Variants in CDH18 observed in about 807,000 individuals in gnomAD.
The protein encoded by CDH18 is cadherin 18.
CDH18 carries 31 observed loss-of-function variants against 67.9 expected under a neutral mutation model. That is an observed-to-expected ratio of 0.46 (90% CI 0.34 to 0.62). CDH18 has a LOEUF of 0.62. Among genes scored for constraint, CDH18 ranks in the 20% least tolerant of loss-of-function variants. The pLI is 0.01. For missense variants in CDH18, 890 were observed against 975.5 expected (o/e 0.91, Z 1.17); for synonymous variants, 362 against 347.2 (o/e 1.04, Z -0.48).
rs1749137136 is a variant in CDH18, at chr5:19,612,479, T to C, written c.766A>G (p.Ile256Val). The change falls in exon 6 of 13, where the codon ATC (isoleucine) becomes GTC (valine). Residue 256 changes from isoleucine (I) to valine (V), a missense_variant. Transcript: ENST00000382275. ...TTGTCATTGACATCGGTTAAGGTGA[T>C]GTTGACTGTTGTAGATCCTGAAAGC... is the stretch of plus-strand genomic sequence containing the variant. ...GGLSGSTTVN[I>V]TLTDVNDNPP... is the part of the protein sequence containing the mutation. The C allele has an allele frequency of 1.2e-6, 2 of 1,614,058 alleles. No homozygotes were observed. The highest frequency in any genetic ancestry group is 1.7e-6 in the Non-Finnish European group (2 of 1,180,028).
At chr5:20,019,644 C>T (rs1354443510) in intron 2 of CDH18, among the ~76,000 whole-genome samples, 1 of 152,192 alleles carries the variant, frequency 6.6e-6, no homozygotes, top group Non-Finnish European at 1.5e-5. Flanking sequence ...TGAGGCCTCC[C>T]AGCCATGCTT....
At chr5:19,489,127 A>G (rs1301045290) in intron 11 of CDH18, among the ~76,000 whole-genome samples, 1 of 152,174 alleles carries the variant, frequency 6.6e-6, no homozygotes, top group Non-Finnish European at 1.5e-5. Flanking sequence ...TAATGCTGAT[A>G]CAAATTATAA....
chr5:20,168,767 A>G (rs1292659037), intron 2 of CDH18, among the ~76,000 whole-genome samples: 1 of 152,202 alleles, frequency 6.6e-6, no homozygotes, highest in Non-Finnish European at 1.5e-5. Flanking sequence ...TGAATGGAAA[A>G]AGAAAATGTG....
At chr5:20,170,320 T>C (rs1210960036) in intron 2 of CDH18, among the ~76,000 whole-genome samples, 2 of 152,096 alleles carry the variant, frequency 1.3e-5, no homozygotes, top group Non-Finnish European at 2.9e-5. Flanking sequence ...GTATAATGGC[T>C]TCCAGCTCCA....
rs1382068822 is a variant in CDH18, at chr5:20,496,638, A to G, written c.-580+78824T>C. Among the ~76,000 whole-genome samples the G allele has an allele frequency of 2.6e-5, 4 of 152,166 alleles. 1 individual carries two copies. ...TTATCGTTTCAGAGCAAAATTTTATAGTAATTGAGAGATAAATTGTAAATG... is the reference window on the plus strand; with the variant it reads ...TTATCGTTTCAGAGCAAAATTTTATGGTAATTGAGAGATAAATTGTAAATG... On this transcript the variant is annotated intron_variant, in intron 1 of 14. Coordinates refer to the CDH18 transcript ENST00000507958.
intron 2 of CDH18, among the ~76,000 whole-genome samples, chr5:20,116,175 G>T (rs1429970082): frequency 2.0e-5 from 3 of 152,076 alleles, no homozygotes; most frequent in African/African-American, 7.2e-5. Context: ...TGTCAACTGG[G>T]CTACTCAATT....
intron 2 of CDH18, among the ~76,000 whole-genome samples, chr5:19,858,759 GACAA>G (rs761045377): frequency 1.1e-4 from 17 of 152,040 alleles, no homozygotes; most frequent in Non-Finnish European, 2.5e-4. Context: ...AATTATTAAA[GACAA>G]ACAGTGCAAA....
chr5:20,497,829 C>T (rs2126421088), intron 1 of CDH18, among the ~76,000 whole-genome samples: 1 of 152,176 alleles, frequency 6.6e-6, no homozygotes, highest in East Asian at 1.9e-4. Flanking sequence ...GTATTTGTGT[C>T]CCCTACAAAA....
At chr5:20,199,642 A>G (rs1739285115) in intron 2 of CDH18, among the ~76,000 whole-genome samples, 2 of 152,166 alleles carry the variant, frequency 1.3e-5, no homozygotes, top group Admixed American at 6.5e-5. Flanking sequence ...GTGTTTTGAA[A>G]TGTGAGGACA....
rs990921170 is a variant in CDH18 at position 20,039,298 on chromosome 5, C to T, written c.-517-47284G>A. 2.0e-5 allele frequency among the ~76,000 whole-genome samples: 3 copies of T among 151,984 alleles called. 1 individual carries two copies. The highest frequency in any genetic ancestry group is 4.1e-4 in the South Asian group (2 of 4,824). The stretch of plus-strand genomic sequence containing the variant: ...AGTAATTTGTAGATACAATGCTATC[C>T]CCATCAAGCTACCATTGACTTTCTT... On this transcript the variant is annotated intron_variant, in intron 2 of 14. Coordinates refer to the CDH18 transcript ENST00000507958.
At chr5:19,901,199 T>G (rs1049899759) in intron 2 of CDH18, among the ~76,000 whole-genome samples, 5 of 152,154 alleles carry the variant, frequency 3.3e-5, no homozygotes, top group African/African-American at 1.2e-4. Context: ...TAAATCAATG[T>G]ATTATACTTT....
At position 20,422,846 on chromosome 5, in the gene CDH18, C is replaced by T. The variant is rs546490368; in HGVS notation, c.-580+152616G>A. Among the ~76,000 whole-genome samples the T allele has an allele frequency of 2.6e-5, 4 of 151,116 alleles. No individual in the cohort carries two copies. The South Asian group carries it at 8.3e-4, about 31-fold the overall frequency. ...CACACCACGGAGCACTTATAAAGCTCATAATCAAGTTCAATTTATAGCAGA... is the reference window on the plus strand; with the variant it reads ...CACACCACGGAGCACTTATAAAGCTTATAATCAAGTTCAATTTATAGCAGA... On this transcript the variant is annotated intron_variant, in intron 1 of 14. Coordinates refer to the CDH18 transcript ENST00000507958.
chr5:19,803,711 T>C (rs958440428), intron 3 of CDH18: 1 of 152,218 alleles, frequency 6.6e-6, no homozygotes, highest in Non-Finnish European at 1.5e-5. Context: ...ACATTTCTTA[T>C]TTTACATTTT....
At chr5:19,903,617 CTTTTTTTTTTTT>C (rs59678864) in intron 2 of CDH18, among the ~76,000 whole-genome samples, 1 of 89,992 alleles carries the variant, frequency 1.1e-5, no homozygotes, top group African/African-American at 4.2e-5. Context: ...AGCAAAGTGG[CTTTTTTTTTTTT>C]TTTTTTTTTT....
Position 19,483,322 on chromosome 5 carries a change from G to C in CDH18, c.1861C>G (p.Leu621Val). The C allele has an allele frequency of 6.2e-7, 1 of 1,613,786 alleles. No individual in the cohort carries two copies. Among genetic ancestry groups the C allele is most frequent in the Non-Finnish European group, 8.5e-7 (1 of 1,179,806 alleles). Residue 621 changes from leucine to valine, a missense_variant, in exon 12 of 13, where the codon CTC (leucine) becomes GTC (valine). Coordinates refer to ENST00000382275, the MANE Select transcript of CDH18 (RefSeq NM_004934.5). ...TTACCCAGGAGAATGAGAACACAGA[G>C]AAGAATAGCGATTAAGGCTCCTGTA... ...LSTGALIAIL[L>V]CVLILLAIVV...
chr5:20,405,318 C>G (rs532949767), intron 1 of CDH18, among the ~76,000 whole-genome samples: 2 of 152,068 alleles, frequency 1.3e-5, no homozygotes, highest in African/African-American at 4.8e-5. Context: ...ACAAACCTGA[C>G]AAAAACAAGA....
intron 1 of CDH18, among the ~76,000 whole-genome samples, chr5:20,399,864 A>C (rs1580908897): frequency 6.6e-6 from 1 of 152,190 alleles, no homozygotes; most frequent in Non-Finnish European, 1.5e-5. Flanking sequence ...GTAACAAGCA[A>C]AATTACCTCA....
chr5:20,020,530 T>C (rs1738320727), intron 2 of CDH18, among the ~76,000 whole-genome samples: 1 of 152,086 alleles, frequency 6.6e-6, no homozygotes, highest in African/African-American at 2.4e-5. Context: ...GCTCCCTGCA[T>C]CCCAGCTGCT....
intron 2 of CDH18, among the ~76,000 whole-genome samples, chr5:20,099,099 T>C (rs1416543141): frequency 1.3e-5 from 2 of 152,212 alleles, no homozygotes; most frequent in Non-Finnish European, 2.9e-5. Flanking sequence ...CTTGCAAAGA[T>C]GTTGATATTT....
Sources: allele counts gnomAD v4.1 joint callset (sites outside exome capture counted in the v4.1 genomes callset), GRCh38; gene constraint gnomAD v4.1.1; transcripts MANE v1.5; gene names NCBI Gene and HGNC (gene_info 2026-07-23, HGNC 2026-07-21).